UNC5C: variants seen among roughly 807,000 people sequenced by gnomAD.
UNC5C encodes unc-5 netrin receptor C, also known as netrin receptor UNC5C.
In UNC5C, 47 loss-of-function variants were observed where a neutral mutation model predicts 99.8. The observed-to-expected ratio is 0.47, with a 90% confidence interval of 0.37 to 0.60. UNC5C has a LOEUF of 0.60. UNC5C is among the 20% of genes least tolerant of loss of function. The pLI is 0.00. For missense variants in UNC5C, 1,062 were observed against 1,165.9 expected (o/e 0.91, Z 1.30); for synonymous variants, 487 against 452.2 (o/e 1.08, Z -0.98).
chr4:95,194,321 A>G (rs905534617), intron 12 of UNC5C, among the ~76,000 whole-genome samples: 1 of 152,192 alleles, frequency 6.6e-6, no homozygotes, highest in African/African-American at 2.4e-5. Context: ...CTGTTAACAC[A>G]TTATTTTTAA....
In UNC5C at chr4:95,319,077, A is replaced by G. The variant is rs576246207; in HGVS notation, c.346+16333T>C. Among the ~76,000 whole-genome samples, 361 of 152,316 alleles carry G rather than the reference A, an allele frequency of 2.4e-3. 2 individuals carry two copies. The highest frequency in any genetic ancestry group is 8.4e-3 in the African/African-American group (349 of 41,564). ...CAGCACCAAGTAAAGTATCTAGGTC[A>G]TGGATTTTGAACAGAACATCTATGT... On this transcript the variant is annotated intron_variant, in intron 2 of 15. Transcript: ENST00000453304.
At chr4:95,224,833 C>T (rs1430253630) in intron 7 of UNC5C, among the ~76,000 whole-genome samples, 2 of 145,782 alleles carry the variant, frequency 1.4e-5, no homozygotes, top group Non-Finnish European at 3.0e-5. Flanking sequence ...GGATGGCCAA[C>T]TTAGGGAATT....
intron 1 of UNC5C, among the ~76,000 whole-genome samples, chr4:95,382,584 T>G (rs1037222971): frequency 1.3e-5 from 2 of 152,094 alleles, no homozygotes; most frequent in Non-Finnish European, 2.9e-5. Context: ...ATGAGAAATA[T>G]TAATATATGA....
chr4:95,326,526 A>G (rs1047955848), intron 2 of UNC5C, among the ~76,000 whole-genome samples: 3 of 152,208 alleles, frequency 2.0e-5, no homozygotes, highest in African/African-American at 7.2e-5. Context: ...ATAGGTATGT[A>G]TTACTATATT....
chr4:95,279,898 T>C (rs1002066247), intron 3 of UNC5C, among the ~76,000 whole-genome samples: 1 of 152,146 alleles, frequency 6.6e-6, no homozygotes, highest in Non-Finnish European at 1.5e-5. Context: ...GATGAAACTG[T>C]TCCACCTCAG....
chr4:95,329,282 A>C (rs1253496828), intron 2 of UNC5C, among the ~76,000 whole-genome samples: 1 of 152,160 alleles, frequency 6.6e-6, no homozygotes, highest in African/African-American at 2.4e-5. Flanking sequence ...AGAGGAAGAC[A>C]CTGTTTCCAG....
chr4:95,525,361 G>A (rs1223752618), intron 1 of UNC5C, among the ~76,000 whole-genome samples: 2 of 151,946 alleles, frequency 1.3e-5, no homozygotes, highest in South Asian at 2.1e-4. Context: ...GCAGAACTAC[G>A]TTTTGAAACT....
intron 1 of UNC5C, among the ~76,000 whole-genome samples, chr4:95,338,387 C>T (rs1371975688): frequency 6.6e-6 from 1 of 151,974 alleles, no homozygotes; most frequent in Admixed American, 6.6e-5. Context: ...CAATTCTCTT[C>T]AACTGAAATA....
chr4:95,267,626 C>CTT (rs915460491), intron 4 of UNC5C, among the ~76,000 whole-genome samples: 2 of 152,090 alleles, frequency 1.3e-5, no homozygotes, highest in African/African-American at 4.8e-5. Flanking sequence ...TTCTGATACA[C>CTT]TTTGACTATC....
chr4:95,293,295 CTTTTTTTTTTTTTTTT>C (rs1175837199), intron 3 of UNC5C, among the ~76,000 whole-genome samples: 1 of 56,882 alleles, frequency 1.8e-5, no homozygotes, highest in East Asian at 4.2e-4. Context: ...TAATAGTGAG[CTTTTTTTTTTTTTTTT>C]TTTTTTTTTT....
intron 1 of UNC5C, among the ~76,000 whole-genome samples, chr4:95,497,905 C>A (rs1721673147): frequency 6.6e-6 from 1 of 152,016 alleles, no homozygotes; most frequent in Non-Finnish European, 1.5e-5. Context: ...CTACATAATT[C>A]TTTAATAAGC....
At chr4:95,196,817 ATATT>A (rs1428903668) in intron 12 of UNC5C, among the ~76,000 whole-genome samples, 19 of 162 alleles carry the variant, frequency 0.12, 2 homozygotes, top group African/African-American at 0.17. Context: ...TATATAATAT[ATATT>A]TATATATTAT....
intron 4 of UNC5C, among the ~76,000 whole-genome samples, chr4:95,271,908 C>T (rs890657782): frequency 6.6e-5 from 10 of 152,204 alleles, no homozygotes; most frequent in Non-Finnish European, 1.5e-4. Flanking sequence ...GTCTCAGACA[C>T]ACTGGCCTCC....
intron 1 of UNC5C, among the ~76,000 whole-genome samples, chr4:95,378,797 C>T (rs1744975564): frequency 6.6e-6 from 1 of 152,142 alleles, no homozygotes; most frequent in East Asian, 1.9e-4. Context: ...CCTATAGCTA[C>T]TAAGCACAAT....
Position 95,206,608 on chromosome 4 carries a change from T to C in UNC5C, c.1902+20A>G, listed in dbSNP as rs895426507. 3 of 1,613,938 alleles carry C rather than the reference T, an allele frequency of 1.9e-6. No individual in the cohort carries two copies. The highest frequency in any genetic ancestry group is 1.7e-4 in the Middle Eastern group (1 of 6,006). On this transcript the variant is annotated intron_variant, in intron 11 of 15. Transcript: ENST00000453304. ...CATGGATTATTCTTGCATAGCATCTTTATCCCGACAGCAGCTCACCTCCCA... is the reference window on the plus strand; with the variant it reads ...CATGGATTATTCTTGCATAGCATCTCTATCCCGACAGCAGCTCACCTCCCA...
At chr4:95,273,433 T>A (rs1740736217) in intron 4 of UNC5C, among the ~76,000 whole-genome samples, 1 of 152,190 alleles carries the variant, frequency 6.6e-6, no homozygotes, top group African/African-American at 2.4e-5. Flanking sequence ...TGGCTCTCCA[T>A]GTGACAGTAA....
intron 1 of UNC5C, among the ~76,000 whole-genome samples, chr4:95,475,093 A>C (rs994685352): frequency 6.6e-6 from 1 of 152,120 alleles, no homozygotes; most frequent in Non-Finnish European, 1.5e-5. Flanking sequence ...TCCATCTATG[A>C]GTGGTCCTAG....
intron 1 of UNC5C, among the ~76,000 whole-genome samples, chr4:95,540,845 G>C (rs1450371402): frequency 6.6e-6 from 1 of 152,068 alleles, no homozygotes; most frequent in Non-Finnish European, 1.5e-5. Flanking sequence ...TTACTTGTTT[G>C]ATTTTGATTA....
At chr4:95,398,344 T>C (rs1207805801) in intron 1 of UNC5C, among the ~76,000 whole-genome samples, 1 of 152,118 alleles carries the variant, frequency 6.6e-6, no homozygotes, top group South Asian at 2.1e-4. Flanking sequence ...CTGACCCCAG[T>C]GCTCCCCAAC....
Sources: allele counts gnomAD v4.1 joint callset (sites outside exome capture counted in the v4.1 genomes callset), GRCh38; gene constraint gnomAD v4.1.1; transcripts MANE v1.5; gene names NCBI Gene and HGNC (gene_info 2026-07-23, HGNC 2026-07-21).